Variants in TCF4 observed in about 807,000 individuals in gnomAD.
TCF4 encodes transcription factor 4.
TCF4 carries 3 observed loss-of-function variants against 82.1 expected under a neutral mutation model. The ratio of observed to expected loss-of-function variants is 0.04; its 90% CI spans 0.02 to 0.09. TCF4 has a LOEUF of 0.09. Ranked by LOEUF, TCF4 falls within the 10% of genes least tolerant of loss-of-function variation. The pLI is 1.00. For synonymous variants in TCF4, 276 were observed against 309.6 expected (o/e 0.89, Z 1.14); for missense variants, 518 against 852.7 (o/e 0.61, Z 4.89).
chr18:55,404,000 T>C (rs967790270), intron 5 of TCF4: 1 of 1,217,450 alleles, frequency 8.2e-7, no homozygotes, highest in Non-Finnish European at 1.0e-6. Context: ...TGAGTCTCTC[T>C]CTCTCTCTCT....
At chr18:55,320,438 C>G (rs1347232333) in intron 8 of TCF4, among the ~76,000 whole-genome samples, 1 of 152,190 alleles carries the variant, frequency 6.6e-6, no homozygotes, top group African/African-American at 2.4e-5. Context: ...ATTCATAAAA[C>G]TGGCTTCTTA....
chr18:55,247,111 C>T (rs143747549), intron 15 of TCF4, among the ~76,000 whole-genome samples: 94 of 152,214 alleles, frequency 6.2e-4, no homozygotes, highest in Middle Eastern at 3.4e-3. Flanking sequence ...GTGGGCCATA[C>T]GGTGTATAAG....
intron 8 of TCF4, chr18:55,284,461 T>C (rs145386327): frequency 3.3e-5 from 5 of 151,912 alleles, no homozygotes; most frequent in Admixed American, 6.6e-5. Flanking sequence ...ATGCATGTTA[T>C]GGTGAAATCA....
intron 5 of TCF4, among the ~76,000 whole-genome samples, chr18:55,430,266 C>T (rs2095146440): frequency 6.6e-6 from 1 of 152,124 alleles, no homozygotes; most frequent in South Asian, 2.1e-4. Context: ...ACTTGCCATG[C>T]CATACAAACT....
At chr18:55,452,049 T>C (rs1053511510) in intron 5 of TCF4, among the ~76,000 whole-genome samples, 1 of 152,118 alleles carries the variant, frequency 6.6e-6, no homozygotes, top group East Asian at 1.9e-4. Context: ...TAAATAAAAA[T>C]GTAAAAACCT....
At position 55,224,260 on chromosome 18, in the gene TCF4, A is replaced by G. The variant is rs2046310211; in HGVS notation, c.*3775T>C. The G allele has an allele frequency of 6.6e-6, 1 of 152,312 alleles. No homozygotes were observed. Among genetic ancestry groups the G allele is most frequent in the South Asian group, 2.1e-4 (1 of 4,812 alleles). The allele number at this position is 152,312 out of a possible 1,614,324, so 9.4% of individuals were successfully genotyped here. On this transcript the variant is annotated 3_prime_UTR_variant, in exon 20 of 20. Coordinates refer to ENST00000354452, the MANE Select transcript of TCF4 (RefSeq NM_001083962.2). ...TATATTTTCACCATTACATATGTCT[A>G]TAATACTTGAAATGAGTATGGCAAA...
Position 55,403,503 on chromosome 18 carries a change from C to A in TCF4, c.320G>T (p.Gly107Val), listed in dbSNP as rs749677962. The change falls in exon 6 of 20, where the codon GGC becomes GTC. Residue 107 changes from glycine (G) to valine (V), a missense_variant. Gly to Val is a moderately radical substitution (Grantham distance 109). Around this residue, in one of 7 missense-constraint regions of TCF4, gnomAD observed 80 missense variants for 93.8 expected, o/e 0.85. Coordinates refer to ENST00000354452, the MANE Select transcript of TCF4 (RefSeq NM_001083962.2). Reference sequence around the variant, plus strand: ...TTCTCTCCCATAAGATGAGTATGAGCCCCTTTCTGTTTTACCTGCCAAGAG... The same window carrying A: ...TTCTCTCCCATAAGATGAGTATGAGACCCTTTCTGTTTTACCTGCCAAGAG... ...NSRIQSKTERGSYSSYGRESN... is the reference protein window; with the variant it reads ...NSRIQSKTERVSYSSYGRESN... 1.9e-6 allele frequency: 3 copies of A among 1,613,746 alleles called. No individual in the cohort carries two copies. Among genetic ancestry groups the A allele is most frequent in the Non-Finnish European group, 1.7e-6 (2 of 1,179,792 alleles).
At chr18:55,309,012 C>A (rs915512157) in intron 8 of TCF4, among the ~76,000 whole-genome samples, 1 of 152,152 alleles carries the variant, frequency 6.6e-6, no homozygotes, top group Non-Finnish European at 1.5e-5. Flanking sequence ...TATGAAAACT[C>A]AGTAATTGAA....
intron 8 of TCF4, among the ~76,000 whole-genome samples, chr18:55,338,010 T>C (rs890133340): frequency 8.6e-5 from 13 of 151,472 alleles, no homozygotes; most frequent in Admixed American, 6.6e-4. Flanking sequence ...CTCTCACCCA[T>C]GTTAAAAAAA....
intron 3 of TCF4, among the ~76,000 whole-genome samples, chr18:55,517,180 T>C (rs1291355781): frequency 1.3e-5 from 2 of 152,182 alleles, no homozygotes; most frequent in Non-Finnish European, 2.9e-5. Flanking sequence ...CTATGCCACA[T>C]GACACGCTTT....
At chr18:55,542,676 G>A (rs771450896) in intron 3 of TCF4, among the ~76,000 whole-genome samples, 1 of 151,758 alleles carries the variant, frequency 6.6e-6, no homozygotes, top group African/African-American at 2.4e-5. Context: ...ACACATATAT[G>A]TACACACAAT....
intron 5 of TCF4, among the ~76,000 whole-genome samples, chr18:55,443,509 T>C (rs1254419071): frequency 2.6e-5 from 4 of 152,206 alleles, no homozygotes; most frequent in Non-Finnish European, 5.9e-5. Flanking sequence ...TAAAGAGACA[T>C]ATTTTCAGGT....
At chr18:55,389,262 C>T (rs947965034) in intron 6 of TCF4, among the ~76,000 whole-genome samples, 2 of 152,170 alleles carry the variant, frequency 1.3e-5, no homozygotes, top group Admixed American at 6.5e-5. Context: ...CTAGTTCATT[C>T]ATTCATTCAC....
At chr18:55,355,532 AAT>A (rs2083300577) in intron 6 of TCF4, among the ~76,000 whole-genome samples, 1 of 152,154 alleles carries the variant, frequency 6.6e-6, no homozygotes, top group Admixed American at 6.5e-5. Flanking sequence ...TGCAACCTAG[AAT>A]ATATCTCGCA....
At chr18:55,510,723 T>G (rs2096818678) in intron 3 of TCF4, 1 of 1,407,862 alleles carries the variant, frequency 7.1e-7, no homozygotes, top group Admixed American at 2.8e-5. Context: ...TTAAGGGGCC[T>G]TCCTTGTTAC....
chr18:55,264,807 T>C (rs1411225519), intron 11 of TCF4: 7 of 152,164 alleles, frequency 4.6e-5, no homozygotes, highest in Admixed American at 4.6e-4. Context: ...TTGGCTCTAA[T>C]CAATTTATCT....
At chr18:55,321,624 C>T (rs749525055) in intron 8 of TCF4, 1 of 1,536,084 alleles carries the variant, frequency 6.5e-7, no homozygotes, top group East Asian at 2.4e-5. Flanking sequence ...ATCCCTGCGA[C>T]AATAAAACTT....
chr18:55,478,511 C>T (rs1603526964), intron 3 of TCF4, among the ~76,000 whole-genome samples: 1 of 152,146 alleles, frequency 6.6e-6, no homozygotes, highest in Non-Finnish European at 1.5e-5. Context: ...TGTTCAGCTA[C>T]TCAAAACTGT....
chr18:55,508,302 A>T (rs1327419949), intron 3 of TCF4, among the ~76,000 whole-genome samples: 1 of 152,212 alleles, frequency 6.6e-6, no homozygotes, highest in Admixed American at 6.5e-5. Flanking sequence ...CCTTTCTTTT[A>T]ACCAGGCTGC....
Sources: gnomAD v4.1 joint callset for allele counts (sites outside exome capture counted in the v4.1 genomes callset) on GRCh38, gnomAD v4.1.1 for gene constraint, gnomAD v4.1.1 regional missense constraint, MANE v1.5 for transcripts, NCBI Gene and HGNC (gene_info 2026-07-23, HGNC 2026-07-21) for gene names.